The following CDH13 variants were observed in gnomAD, a reference collection of about 807,000 sequenced individuals.
CDH13 encodes the protein cadherin 13.
CDH13 carries 24 observed loss-of-function variants against 63.8 expected under a neutral mutation model. That is an observed-to-expected ratio of 0.38 (90% confidence interval 0.27 to 0.53). The LOEUF (loss-of-function observed/expected upper bound fraction) is 0.53, where lower values mean the gene tolerates loss of function less well. Among genes scored for constraint, CDH13 ranks in the 20% least tolerant of loss-of-function variants. The probability of loss-of-function intolerance (pLI) is 0.85; values close to 1 mark genes in which losing one functional copy is unlikely to be tolerated. For synonymous variants in CDH13, 503 were observed against 355.3 expected, an observed-to-expected ratio of 1.42 and a Z score of -4.67; for missense variants, 1,049 against 903.1, an observed-to-expected ratio of 1.16 and a Z score of -2.07.
At chr16:83,462,778 G>A (rs1431768513) in intron 6 of CDH13, among the ~76,000 whole-genome samples, 2 of 152,032 alleles carry the variant, frequency 1.3e-5, no homozygotes, top group South Asian at 2.1e-4. Context: ...AGAAATTGGA[G>A]CACCTGGTAT....
chr16:82,827,989 G>A (rs2038334983), intron 1 of CDH13, among the ~76,000 whole-genome samples: 1 of 152,124 alleles, frequency 6.6e-6, no homozygotes, highest in African/African-American at 2.4e-5. Context: ...TTTTGACACA[G>A]AGAGTCTCAC....
intron 1 of CDH13, among the ~76,000 whole-genome samples, chr16:82,778,564 C>T (rs74028291): frequency 0.01 from 1,016 of 101,318 alleles, 6 homozygotes; most frequent in African/African-American, 0.023. Flanking sequence ...TTTGGAATCA[C>T]GACCAGAAAA....
chr16:83,691,070 CCGTGTGTGTG>C (rs749494323), intron 10 of CDH13, among the ~76,000 whole-genome samples: 1 of 105,308 alleles, frequency 9.5e-6, no homozygotes, highest in Admixed American at 1.2e-4. Context: ...ACCAACTGTG[CCGTGTGTGTG>C]TGTGTGTGTG....
intron 10 of CDH13, among the ~76,000 whole-genome samples, chr16:83,685,926 GTAA>G (rs996691022): frequency 2.0e-4 from 30 of 152,150 alleles, no homozygotes; most frequent in African/African-American, 6.3e-4. Flanking sequence ...GAGAATGATG[GTAA>G]TAATATGGCT....
chr16:83,271,162 T>C (rs573765445), intron 5 of CDH13, among the ~76,000 whole-genome samples: 1 of 152,056 alleles, frequency 6.6e-6, no homozygotes, highest in East Asian at 1.9e-4. Flanking sequence ...TACATGTACC[T>C]TTGAGGTCTA....
intron 7 of CDH13, among the ~76,000 whole-genome samples, chr16:83,585,802 C>A (rs143634535): frequency 2.4e-4 from 36 of 152,186 alleles, no homozygotes; most frequent in Non-Finnish European, 4.1e-4. Context: ...GGGAAATGGG[C>A]TCCCACGTGG....
At chr16:82,956,658 A>G (rs1906158319) in intron 2 of CDH13, among the ~76,000 whole-genome samples, 1 of 152,150 alleles carries the variant, frequency 6.6e-6, no homozygotes, top group Admixed American at 6.6e-5. Flanking sequence ...CTCTGGTTTT[A>G]TCTTTACCCA....
At chr16:83,735,987 C>T (rs2076861277) in intron 10 of CDH13, 1 of 152,126 alleles carries the variant, frequency 6.6e-6, no homozygotes, top group African/African-American at 2.4e-5. Flanking sequence ...GGATGAAGAG[C>T]CTCACACCAA....
intron 4 of CDH13, among the ~76,000 whole-genome samples, chr16:83,193,629 A>G (rs975830813): frequency 6.6e-6 from 1 of 152,252 alleles, no homozygotes; most frequent in African/African-American, 2.4e-5. Flanking sequence ...TCAAAAGCAG[A>G]GAGCTTGAGA....
chr16:83,019,177 A>G (rs1386878250), intron 2 of CDH13, among the ~76,000 whole-genome samples: 1 of 152,254 alleles, frequency 6.6e-6, no homozygotes, highest in Non-Finnish European at 1.5e-5. Flanking sequence ...AGCTTACAAC[A>G]CAAACACATT....
intron 7 of CDH13, among the ~76,000 whole-genome samples, chr16:83,555,809 A>G (rs1386370531): frequency 6.6e-6 from 1 of 152,214 alleles, no homozygotes; most frequent in South Asian, 2.1e-4. Flanking sequence ...AAAGTAAAAT[A>G]TTTTGCAATT....
chr16:83,378,368 T>C (rs1018500124), intron 6 of CDH13, among the ~76,000 whole-genome samples: 1 of 152,170 alleles, frequency 6.6e-6, no homozygotes, highest in Non-Finnish European at 1.5e-5. Context: ...CTTGGAGAGG[T>C]GCCCTGAGAA....
intron 3 of CDH13, among the ~76,000 whole-genome samples, chr16:83,066,434 C>A (rs141828149): frequency 6.6e-6 from 1 of 152,178 alleles, no homozygotes. Flanking sequence ...GGTTGCCCAA[C>A]CAAGCTGGGA....
chr16:82,803,842 G>A (rs1810478725), intron 1 of CDH13, among the ~76,000 whole-genome samples: 1 of 152,180 alleles, frequency 6.6e-6, no homozygotes, highest in Non-Finnish European at 1.5e-5. Context: ...TGCTCAGTGG[G>A]TATAAAGCAT....
intron 1 of CDH13, among the ~76,000 whole-genome samples, chr16:82,749,470 C>T (rs1278878692): frequency 6.6e-6 from 1 of 152,134 alleles, no homozygotes; most frequent in Non-Finnish European, 1.5e-5. Context: ...CACATATCTC[C>T]AGGTTCGGAA....
intron 4 of CDH13, among the ~76,000 whole-genome samples, chr16:83,128,760 A>G (rs73604212): frequency 0.034 from 5,159 of 152,270 alleles, 286 homozygotes; most frequent in African/African-American, 0.12. Flanking sequence ...ATTCTTCTGC[A>G]TTGTTTTTTT....
chr16:83,169,455 T>C (rs2037829099), intron 4 of CDH13, among the ~76,000 whole-genome samples: 1 of 152,050 alleles, frequency 6.6e-6, no homozygotes, highest in South Asian at 2.1e-4. Flanking sequence ...GAGTAAGGTG[T>C]GAGCCACCAC....
At chr16:83,452,480 A>C (rs1258032858) in intron 6 of CDH13, among the ~76,000 whole-genome samples, 1 of 152,016 alleles carries the variant, frequency 6.6e-6, no homozygotes, top group Non-Finnish European at 1.5e-5. Context: ...TTAAGGACAA[A>C]GGCTTTTATG....
At chr16:83,765,501 C>T (rs1012401229) in intron 11 of CDH13, among the ~76,000 whole-genome samples, 6 of 151,824 alleles carry the variant, frequency 4.0e-5, no homozygotes, top group Non-Finnish European at 8.8e-5. Context: ...AACTTATTTT[C>T]CACCAGACTT....
Sources: allele counts gnomAD v4.1 joint callset (sites outside exome capture counted in the v4.1 genomes callset), GRCh38; gene constraint gnomAD v4.1.1; transcripts MANE v1.5; gene names NCBI Gene and HGNC (gene_info 2026-07-23, HGNC 2026-07-21).